Variants in GOLM2 observed in about 807,000 individuals in gnomAD.
The protein encoded by GOLM2 is golgi membrane protein 2.
GOLM2 carries 26 observed loss-of-function variants against 55.9 expected under a neutral mutation model. The observed-to-expected ratio is 0.47, with a 90% CI of 0.34 to 0.65. GOLM2 has a LOEUF of 0.65. Ranked by LOEUF, GOLM2 falls within the 30% of genes least tolerant of loss-of-function variation. The probability of loss-of-function intolerance (pLI) is 0.01; values close to 1 mark genes in which losing one functional copy is unlikely to be tolerated. For missense variants in GOLM2, 486 were observed against 531.8 expected (o/e 0.91, Z 0.85); for synonymous variants, 165 against 194.6 (o/e 0.85, Z 1.27).
chr15:44,392,858 A>G (rs2079500674), intron 8 of GOLM2, among the ~76,000 whole-genome samples: 1 of 152,248 alleles, frequency 6.6e-6, no homozygotes, highest in South Asian at 2.1e-4. Flanking sequence ...AACCAATTTT[A>G]AGCAAAGTAG....
intron 7 of GOLM2, among the ~76,000 whole-genome samples, chr15:44,380,173 T>G (rs926619311): frequency 1.3e-5 from 2 of 152,186 alleles, no homozygotes; most frequent in African/African-American, 4.8e-5. Flanking sequence ...GTTTATTTTC[T>G]AAACACTCAT....
At chr15:44,377,958 T>C (rs2141191375) in intron 6 of GOLM2, among the ~76,000 whole-genome samples, 1 of 151,312 alleles carries the variant, frequency 6.6e-6, no homozygotes, top group African/African-American at 2.4e-5. Flanking sequence ...AAGTTTAATT[T>C]CTTTGTGCTT....
At chr15:44,405,956 C>T (rs1000800809) in intron 9 of GOLM2, among the ~76,000 whole-genome samples, 1 of 152,010 alleles carries the variant, frequency 6.6e-6, no homozygotes. Flanking sequence ...ATTAACTGTC[C>T]AAAAAGTAGG....
At position 44,401,414 on chromosome 15, in the gene GOLM2, A is replaced by G. The variant is rs891179923; in HGVS notation, c.1073-1473A>G. On this transcript the variant is annotated intron_variant, in intron 8 of 9. Coordinates refer to ENST00000299957, the MANE Select transcript of GOLM2 (RefSeq NM_138423.4). The stretch of plus-strand genomic sequence containing the variant: ...TGAGTATCTGAGACTATAGGTGTGG[A>G]CCACCATACCCAGCTAATTTTTGTA... 4.6e-5 allele frequency among the ~76,000 whole-genome samples: 7 copies of G among 152,050 alleles called. 1 individual carries two copies.
At chr15:44,354,149 A>C (rs2079182203) in intron 6 of GOLM2, among the ~76,000 whole-genome samples, 1 of 152,116 alleles carries the variant, frequency 6.6e-6, no homozygotes, top group African/African-American at 2.4e-5. Context: ...TATGTAATTG[A>C]CATCTATTAA....
At chr15:44,296,598 T>C (rs2078758319) in intron 1 of GOLM2, among the ~76,000 whole-genome samples, 1 of 152,200 alleles carries the variant, frequency 6.6e-6, no homozygotes, top group African/African-American at 2.4e-5. Context: ...TGATTAAAAT[T>C]CTTAAAACAG....
chr15:44,378,808 C>T (rs540493605), intron 6 of GOLM2, among the ~76,000 whole-genome samples: 4 of 148,806 alleles, frequency 2.7e-5, no homozygotes, highest in East Asian at 4.1e-4. Flanking sequence ...TGCAATGGCG[C>T]GATCTCAGCT....
At chr15:44,299,320 T>C (rs2078780308) in intron 1 of GOLM2, among the ~76,000 whole-genome samples, 1 of 150,684 alleles carries the variant, frequency 6.6e-6, no homozygotes, top group African/African-American at 2.4e-5. Context: ...TGAGACAGAG[T>C]CTCGCTCTGT....
intron 1 of GOLM2, among the ~76,000 whole-genome samples, chr15:44,318,397 C>T (rs1008988329): frequency 2.7e-4 from 41 of 152,186 alleles, no homozygotes; most frequent in African/African-American, 9.4e-4. Flanking sequence ...ATGTTGCAGC[C>T]AGATTGACTT....
chr15:44,378,256 G>A (rs945535577), intron 6 of GOLM2, among the ~76,000 whole-genome samples: 13 of 150,840 alleles, frequency 8.6e-5, no homozygotes, highest in Non-Finnish European at 1.8e-4. Context: ...GGGGTTTCAC[G>A]ATGTTAGCCA....
intron 6 of GOLM2, among the ~76,000 whole-genome samples, chr15:44,366,305 A>C (rs201554845): frequency 7.1e-6 from 1 of 140,508 alleles, no homozygotes; most frequent in East Asian, 2.8e-4. Flanking sequence ...TCAAAAAAAA[A>C]AAAAAAAAAC....
At chr15:44,399,026 G>A (rs1283184667) in intron 8 of GOLM2, among the ~76,000 whole-genome samples, 1 of 152,042 alleles carries the variant, frequency 6.6e-6, no homozygotes, top group African/African-American at 2.4e-5. Context: ...TATAAATCCA[G>A]TCAAATTAAT....
chr15:44,316,640 A>G (rs1041833402), intron 1 of GOLM2, among the ~76,000 whole-genome samples: 6 of 152,124 alleles, frequency 3.9e-5, no homozygotes, highest in Admixed American at 2.0e-4. Context: ...CTGTAATCCC[A>G]GCTGCCCAGG....
At chr15:44,337,461 A>C (rs1033575788) in intron 4 of GOLM2, among the ~76,000 whole-genome samples, 1 of 152,080 alleles carries the variant, frequency 6.6e-6, no homozygotes, top group African/African-American at 2.4e-5. Flanking sequence ...AGGGTAACCT[A>C]GAGTATTCAG....
chr15:44,289,277 A>G lies in GOLM2; in HGVS notation c.248A>G (p.Gln83Arg), dbSNP rs200133088. 29 of 1,613,778 alleles carry G rather than the reference A, an allele frequency of 1.8e-5. No homozygotes were observed. The Middle Eastern group carries it at 1.3e-3, about 73-fold the overall frequency. The change falls in exon 1 of 10, where the codon CAG (glutamine) becomes CGG (arginine). Residue 83 changes from glutamine (Q) to arginine (R), a missense_variant. Physicochemically the swap from Gln to Arg is conservative, Grantham distance 43. Coordinates refer to ENST00000299957, the MANE Select transcript of GOLM2 (RefSeq NM_138423.4). The surrounding 1 kb of genome is among the most constrained non-coding windows in gnomAD (Gnocchi z 4.8). ...LVDTHKKQID[Q>R]KEADYGRLSS... ...GACACGCACAAGAAACAGATCGACCAGAAGGAGGCCGACTACGGCCGCCTC... is the reference window on the plus strand; with the variant it reads ...GACACGCACAAGAAACAGATCGACCGGAAGGAGGCCGACTACGGCCGCCTC...
intron 1 of GOLM2, among the ~76,000 whole-genome samples, chr15:44,302,645 C>A (rs12437572): frequency 1.3e-5 from 2 of 151,734 alleles, no homozygotes; most frequent in Non-Finnish European, 2.9e-5. Flanking sequence ...TGCACAGTAC[C>A]ACACCCAGCT....
At chr15:44,332,835 A>G (rs1030850441) in intron 4 of GOLM2, among the ~76,000 whole-genome samples, 3 of 152,168 alleles carry the variant, frequency 2.0e-5, no homozygotes, top group Non-Finnish European at 4.4e-5. Flanking sequence ...GGGGGGGGCA[A>G]ATTCTTTTAT....
At chr15:44,381,841 G>A (rs1407924537) in intron 8 of GOLM2, among the ~76,000 whole-genome samples, 1 of 151,890 alleles carries the variant, frequency 6.6e-6, no homozygotes, top group Non-Finnish European at 1.5e-5. Flanking sequence ...TTTTAGAGAC[G>A]GGGGTCTCGC....
At chr15:44,383,268 T>C (rs985972750) in intron 8 of GOLM2, among the ~76,000 whole-genome samples, 5 of 152,068 alleles carry the variant, frequency 3.3e-5, no homozygotes, top group African/African-American at 1.2e-4. Flanking sequence ...TCATTTTTTT[T>C]CTCCAGTTAT....
Sources: allele counts gnomAD v4.1 joint callset (sites outside exome capture counted in the v4.1 genomes callset), GRCh38; gene constraint gnomAD v4.1.1; non-coding constraint Gnocchi (gnomAD v3.1); transcripts MANE v1.5; gene names NCBI Gene and HGNC (gene_info 2026-07-23, HGNC 2026-07-21).